Variants in SGMS1 observed in about 807,000 individuals in gnomAD.
SGMS1 encodes sphingomyelin synthase 1.
A neutral mutation model predicts 46.2 loss-of-function variants in SGMS1; 13 were observed. That is an observed-to-expected ratio of 0.28 (90% CI 0.18 to 0.45). The LOEUF is 0.45. SGMS1 is among the 20% of genes least tolerant of loss of function. SGMS1 has a pLI of 1.00. For synonymous variants in SGMS1, 203 were observed against 187.8 expected, an observed-to-expected ratio of 1.08 and a Z score of -0.66; for missense variants, 324 against 519.9, an observed-to-expected ratio of 0.62 and a Z score of 3.66.
At position 50,527,063 on chromosome 10, in the gene SGMS1, CAAAAAAAAAAAA is replaced by C. The variant is rs573386594; in HGVS notation, c.-588-7154_-588-7143del. ...TGGGTGACAGAGTGAGACTCTGTCT[CAAAAAAAAAAAA>C]AAAAAAAAAAAAAAGAAAGAAAGAA... On this transcript the variant is annotated intron_variant, in intron 2 of 10. Coordinates refer to ENST00000361781, the MANE Select transcript of SGMS1 (RefSeq NM_147156.4). 2.9e-3 allele frequency among the ~76,000 whole-genome samples: 266 copies of C among 90,748 alleles called. 2 individuals are homozygous for C. Among genetic ancestry groups the C allele is most frequent in the African/African-American group, 0.014 (245 of 18,024 alleles). The allele number at this position is 90,748 out of a possible 152,430, so 59.5% of individuals were successfully genotyped here.
At chr10:50,361,714 C>A (rs1310722405) in intron 6 of SGMS1, among the ~76,000 whole-genome samples, 1 of 152,086 alleles carries the variant, frequency 6.6e-6, no homozygotes, top group Non-Finnish European at 1.5e-5. Flanking sequence ...TAGTTTCTGC[C>A]TCCAGCCTGG....
At chr10:50,382,969 G>A (rs1290542444) in intron 6 of SGMS1, among the ~76,000 whole-genome samples, 1 of 152,136 alleles carries the variant, frequency 6.6e-6, no homozygotes, top group Non-Finnish European at 1.5e-5. Flanking sequence ...GTCAAAGTTT[G>A]TAAAGTCTTT....
At chr10:50,476,279 A>G (rs1262609923) in intron 3 of SGMS1, among the ~76,000 whole-genome samples, 1 of 133,808 alleles carries the variant, frequency 7.5e-6, no homozygotes, top group Non-Finnish European at 1.6e-5. Flanking sequence ...GTCTCAAAAT[A>G]AAAAAGGGAA....
intron 9 of SGMS1, among the ~76,000 whole-genome samples, chr10:50,310,583 T>A (rs1847238598): frequency 6.6e-6 from 1 of 151,724 alleles, no homozygotes; most frequent in African/African-American, 2.4e-5. Flanking sequence ...ATGGAAATGA[T>A]ATAGGAAAGG....
At chr10:50,348,131 GT>G (rs1348775419) in intron 6 of SGMS1, among the ~76,000 whole-genome samples, 2 of 152,088 alleles carry the variant, frequency 1.3e-5, no homozygotes, top group African/African-American at 4.8e-5. Context: ...CTGTTCATGT[GT>G]TACTTTGCTG....
chr10:50,380,242 A>G (rs1848581455), intron 6 of SGMS1, among the ~76,000 whole-genome samples: 1 of 151,962 alleles, frequency 6.6e-6, no homozygotes, highest in Non-Finnish European at 1.5e-5. Context: ...TTAGCCAGAC[A>G]TGGTGGTATG....
intron 1 of SGMS1, among the ~76,000 whole-genome samples, chr10:50,614,172 T>C (rs893606405): frequency 6.6e-6 from 1 of 152,098 alleles, no homozygotes; most frequent in African/African-American, 2.4e-5. Flanking sequence ...TGAGGCCATC[T>C]TCCTAAGATG....
intron 5 of SGMS1, among the ~76,000 whole-genome samples, chr10:50,440,974 C>G (rs371882259): frequency 6.6e-6 from 1 of 152,218 alleles, no homozygotes. Context: ...CACTCTGAGG[C>G]ATGTTAACAT....
intron 6 of SGMS1, among the ~76,000 whole-genome samples, chr10:50,381,279 A>G (rs763008857): frequency 2.0e-5 from 3 of 151,814 alleles, no homozygotes; most frequent in Non-Finnish European, 2.9e-5. Flanking sequence ...GAAAAAAAAA[A>G]AGAAGAAGAA....
chr10:50,620,910 G>A (rs1328247869), intron 1 of SGMS1, among the ~76,000 whole-genome samples: 2 of 152,186 alleles, frequency 1.3e-5, no homozygotes, highest in African/African-American at 4.8e-5. Flanking sequence ...ACTGCTAGGT[G>A]CAGTGACTCA....
chr10:50,583,442 G>A (rs1278476790), intron 2 of SGMS1, among the ~76,000 whole-genome samples: 1 of 152,172 alleles, frequency 6.6e-6, no homozygotes, highest in Non-Finnish European at 1.5e-5. Context: ...AAGATGTGCT[G>A]ACCTCAGGCC....
chr10:50,332,101 T>C (rs766220253), intron 7 of SGMS1, among the ~76,000 whole-genome samples: 2 of 152,228 alleles, frequency 1.3e-5, no homozygotes, highest in African/African-American at 2.4e-5. Context: ...AAACTCATTT[T>C]AATAAAATCC....
chr10:50,488,679 G>A (rs1178719032), intron 3 of SGMS1, among the ~76,000 whole-genome samples: 1 of 152,148 alleles, frequency 6.6e-6, no homozygotes, highest in Non-Finnish European at 1.5e-5. Context: ...TACTATGCTT[G>A]GGTAATTTCA....
intron 2 of SGMS1, among the ~76,000 whole-genome samples, chr10:50,576,371 C>A (rs183353815): frequency 3.9e-4 from 59 of 152,334 alleles, no homozygotes; most frequent in African/African-American, 1.2e-3. Flanking sequence ...AGCCCCTGAT[C>A]GAGTACACTC....
intron 8 of SGMS1, among the ~76,000 whole-genome samples, chr10:50,312,583 A>G (rs1847273625): frequency 6.6e-6 from 1 of 152,218 alleles, no homozygotes; most frequent in Non-Finnish European, 1.5e-5. Flanking sequence ...ACTGAAAAAC[A>G]GAAAGCTTTG....
At chr10:50,395,675 G>A (rs1213085559) in intron 6 of SGMS1, among the ~76,000 whole-genome samples, 1 of 152,212 alleles carries the variant, frequency 6.6e-6, no homozygotes, top group Non-Finnish European at 1.5e-5. Context: ...AAAGATTGCT[G>A]CAAAATTAGA....
intron 6 of SGMS1, among the ~76,000 whole-genome samples, chr10:50,374,959 G>T (rs143859161): frequency 6.6e-6 from 1 of 152,076 alleles, no homozygotes; most frequent in South Asian, 2.1e-4. Flanking sequence ...TGCCTTCGCA[G>T]CCCGAGGCAG....
intron 6 of SGMS1, among the ~76,000 whole-genome samples, chr10:50,411,799 C>G (rs945566218): frequency 6.6e-6 from 1 of 152,200 alleles, no homozygotes; most frequent in Non-Finnish European, 1.5e-5. Context: ...CTGTTAGGAT[C>G]ACCAGGTTTC....
chr10:50,455,782 ATC>A (rs2133674212), intron 5 of SGMS1, among the ~76,000 whole-genome samples: 1 of 152,338 alleles, frequency 6.6e-6, no homozygotes, highest in Non-Finnish European at 1.5e-5. Flanking sequence ...TGGAAAGAGC[ATC>A]TTCCTACTGG....
Sources: gnomAD v4.1 joint callset for allele counts (sites outside exome capture counted in the v4.1 genomes callset) on GRCh38, gnomAD v4.1.1 for gene constraint, MANE v1.5 for transcripts, NCBI Gene and HGNC (gene_info 2026-07-23, HGNC 2026-07-21) for gene names.